EFHB: variants seen among roughly 807,000 people sequenced by gnomAD.
The protein encoded by EFHB is EF-hand domain-containing family member B.
EFHB carries 91 observed loss-of-function variants against 87.2 expected under a neutral mutation model. The observed-to-expected ratio is 1.04, with a 90% CI of 0.88 to 1.24. The LOEUF is 1.24. EFHB is among the 50% of genes most tolerant of loss of function. The pLI is 0.00. For missense variants in EFHB, 1,084 were observed against 998.8 expected (o/e 1.09, Z -1.15); for synonymous variants, 325 against 333.6 (o/e 0.97, Z 0.28).
At chr3:19,943,411 A>G (rs1178335169) in intron 1 of EFHB, 2 of 156,128 alleles carry the variant, frequency 1.3e-5, no homozygotes, top group Non-Finnish European at 2.8e-5. Flanking sequence ...AAATTCTTCA[A>G]ATGACTTTGC....
In EFHB at chr3:19,884,213, A is replaced by G. The variant is rs77987411; in HGVS notation, c.2146+190T>C. The G allele has an allele frequency of 5.4e-4, 312 of 577,184 alleles. 4 individuals are homozygous for G. The East Asian group carries it at 8.7e-3, about 16-fold the overall frequency. 35.8% of individuals were successfully genotyped at this position (577,184 alleles called of 1,614,324 possible). A position where few individuals can be genotyped will look rare whatever the true frequency, so the allele number is the denominator to read the frequency against. On this transcript the variant is annotated intron_variant, in intron 11 of 12. Coordinates refer to ENST00000295824, the MANE Select transcript of EFHB (RefSeq NM_144715.4). ...TATAAAGAATCATTTTACTTTGGTC[A>G]TCATTGGCAATTCCGTTCAATCAAC...
At position 19,919,863 on chromosome 3, in the gene EFHB, T is replaced by C. The variant is rs766745808; in HGVS notation, c.966A>G (p.Thr322=). The C allele has an allele frequency of 8.7e-6, 14 of 1,613,400 alleles. No homozygotes were observed. Among genetic ancestry groups the C allele is most frequent in the Non-Finnish European group, 1.0e-5 (12 of 1,179,576 alleles). ...CTGAAATTTTAGATCTAATTCCATG[T>C]GTCAAATAAGGTGCAATCTGGGGAT... ...ANDPQIAPYL[T]HGIRSKISVL... Residue 322 remains threonine, a synonymous_variant, in exon 3 of 13, where the codon ACA becomes ACG. Transcript: ENST00000295824.
At chr3:19,946,155 G>C (rs1281484815) in intron 1 of EFHB, 1 of 152,166 alleles carries the variant, frequency 6.6e-6, no homozygotes, top group Non-Finnish European at 1.5e-5. Flanking sequence ...AACAACTCAC[G>C]TTCTGGAGCC....
At chr3:19,905,531 C>T (rs1203108966) in intron 6 of EFHB, 89 bp downstream of exon 6, 3 of 1,379,990 alleles carry the variant, frequency 2.2e-6, no homozygotes, top group Non-Finnish European at 3.0e-6. Flanking sequence ...CATTTTATTA[C>T]CTCTTCAAAA....
At chr3:19,918,471 G>A in intron 3 of EFHB, 59 bp from the exon 4 acceptor site, 1 of 1,449,388 alleles carries the variant, frequency 6.9e-7, no homozygotes, top group Admixed American at 2.4e-5. Context: ...TCTGAAAATA[G>A]AAACCCTAAT....
intron 4 of EFHB, 62 bp downstream of exon 4, chr3:19,918,168 TCA>T: frequency 1.5e-6 from 2 of 1,377,428 alleles, no homozygotes; most frequent in Non-Finnish European, 2.0e-6. Flanking sequence ...AGATATTTAA[TCA>T]AATTTTCCAA....
chr3:19,880,619 T>A (rs934362780), intron 12 of EFHB, among the ~76,000 whole-genome samples: 8 of 152,194 alleles, frequency 5.3e-5, no homozygotes, highest in African/African-American at 1.9e-4. Context: ...GAACTTTAAC[T>A]ATGTGTGCAA....
At chr3:19,945,687 T>G (rs1216487281) in intron 1 of EFHB, among the ~76,000 whole-genome samples, 1 of 152,216 alleles carries the variant, frequency 6.6e-6, no homozygotes, top group African/African-American at 2.4e-5. Flanking sequence ...GCTATTACCA[T>G]GATTAATAGT....
upstream of EFHB, chr3:19,934,337 TTCTCTCTCCTCTG>T: frequency 1.9e-6 from 2 of 1,040,948 alleles, no homozygotes; most frequent in Non-Finnish European, 2.5e-6. Flanking sequence ...CTCTCCCCTC[TTCTCTCTCCTCTG>T]TCTCTCTCTC....
chr3:19,879,556 C>G lies in EFHB; in HGVS notation c.*75G>C. 3 of 1,444,806 alleles carry G rather than the reference C, an allele frequency of 2.1e-6. No individual in the cohort carries two copies. Among genetic ancestry groups the G allele is most frequent in the Non-Finnish European group, 2.8e-6 (3 of 1,084,930 alleles). 89.5% of individuals were successfully genotyped at this position (1,444,806 alleles called of 1,614,324 possible). A position where few individuals can be genotyped will look rare whatever the true frequency, so the allele number is the denominator to read the frequency against. On this transcript the variant is annotated 3_prime_UTR_variant, in exon 13 of 13. Transcript: ENST00000295824. ...GTGAACTCTAACATAATATCTAAAA[C>G]CAGAATGGATTCAACATTTTAGATA...
intron 5 of EFHB, among the ~76,000 whole-genome samples, chr3:19,909,200 C>G (rs6778242): frequency 0.013 from 1,958 of 152,122 alleles, 52 homozygotes; most frequent in African/African-American, 0.045. Flanking sequence ...ACAGACACCA[C>G]CCCTCCCCAA....
upstream of EFHB, chr3:19,936,098 T>G (rs540522992): frequency 1.6e-6 from 2 of 1,251,608 alleles, no homozygotes; most frequent in African/African-American, 3.3e-5. Context: ...AATCCAAAAA[T>G]ATTTTTTTAA....
In EFHB at chr3:19,887,380, A is replaced by G. The variant is rs548202713; in HGVS notation, c.1933+1064T>C. ...AGCCTGGGCAACAGAGCAAGACCCTATCAAAAAAAAAAAAAAAAAAAGGAA... is the reference window on the plus strand; with the variant it reads ...AGCCTGGGCAACAGAGCAAGACCCTGTCAAAAAAAAAAAAAAAAAAAGGAA... On this transcript the variant is annotated intron_variant, in intron 10 of 12. Coordinates refer to ENST00000295824, the MANE Select transcript of EFHB (RefSeq NM_144715.4). Among the ~76,000 whole-genome samples the G allele has an allele frequency of 2.7e-4, 26 of 96,040 alleles. No individual in the cohort carries two copies. The East Asian group carries it at 5.4e-3, about 20-fold the overall frequency. The allele number at this position is 96,040 out of a possible 152,430, so 63.0% of individuals were successfully genotyped here.
chr3:19,925,221 G>A (rs538284176), intron 1 of EFHB, among the ~76,000 whole-genome samples: 77 of 141,886 alleles, frequency 5.4e-4, no homozygotes, highest in Admixed American at 2.1e-3. Flanking sequence ...CAGCCTGGGC[G>A]ACAGAGCTAG....
chr3:19,917,225 T>C (rs890069580), intron 4 of EFHB, among the ~76,000 whole-genome samples: 3 of 149,478 alleles, frequency 2.0e-5, no homozygotes, highest in Non-Finnish European at 4.4e-5. Flanking sequence ...TAAATATATA[T>C]AGTTTATAAA....
In EFHB at chr3:19,933,761, C is replaced by G; in HGVS notation, c.258G>C (p.Arg86Ser). The change falls in exon 1 of 13, where the codon AGG becomes AGC. Residue 86 changes from arginine to serine, a missense_variant. By Grantham distance (110) the Arg-to-Ser change is moderately radical. Coordinates refer to ENST00000295824, the MANE Select transcript of EFHB (RefSeq NM_144715.4). ...AGACACTGTCGACTCCTAAACTACCCCTCTGCATGACAGTCCTAGAAATAT... is the reference window on the plus strand; with the variant it reads ...AGACACTGTCGACTCCTAAACTACCGCTCTGCATGACAGTCCTAGAAATAT... ...RQNISRTVMQ[R>S]GSLGVDSVSA... The G allele has an allele frequency of 1.9e-6, 3 of 1,613,988 alleles. No homozygotes were observed. Among genetic ancestry groups the G allele is most frequent in the Non-Finnish European group, 2.5e-6 (3 of 1,179,890 alleles).
chr3:19,938,071 C>T (rs769234415), upstream of EFHB, among the ~76,000 whole-genome samples: 3 of 152,164 alleles, frequency 2.0e-5, no homozygotes, highest in African/African-American at 4.8e-5. Context: ...ATGTGTTCTT[C>T]CCTAGTTACC....
At chr3:19,940,731 C>T in intron 1 of EFHB, 1 of 335,368 alleles carries the variant, frequency 3.0e-6, no homozygotes, top group Non-Finnish European at 6.0e-6. Flanking sequence ...ACTGAAGATG[C>T]CATTGGCATC....
At chr3:19,913,892 A>C (rs1695140899) in intron 5 of EFHB, among the ~76,000 whole-genome samples, 1 of 152,238 alleles carries the variant, frequency 6.6e-6, no homozygotes, top group Admixed American at 6.5e-5. Context: ...ACCTAGAGTG[A>C]ACTCATTTTT....
Sources: gnomAD v4.1 joint callset for allele counts (sites outside exome capture counted in the v4.1 genomes callset) on GRCh38, gnomAD v4.1.1 for gene constraint, MANE v1.5 for transcripts, NCBI Gene and HGNC (gene_info 2026-07-23, HGNC 2026-07-21) for gene names.